The following TRPM3 variants were observed in gnomAD, a reference collection of about 807,000 sequenced individuals.
TRPM3 encodes transient receptor potential cation channel subfamily M member 3, also known as long transient receptor potential channel 3.
A neutral mutation model predicts 181.2 loss-of-function variants in TRPM3; 77 were observed. The observed-to-expected ratio is 0.42, with a 90% CI of 0.35 to 0.51. TRPM3 has a LOEUF of 0.51. Among genes scored for constraint, TRPM3 ranks in the 20% least tolerant of loss-of-function variants. TRPM3 has a pLI of 0.01. For synonymous variants in TRPM3, 745 were observed against 796.4 expected, an observed-to-expected ratio of 0.94 and a Z score of 1.09; for missense variants, 1,759 against 2,196.7, an observed-to-expected ratio of 0.80 and a Z score of 3.98.
intron 1 of TRPM3, among the ~76,000 whole-genome samples, chr9:71,297,165 T>C (rs923152220): frequency 6.6e-6 from 1 of 152,036 alleles, no homozygotes. Flanking sequence ...TTAATTATTT[T>C]GTATTTTTAG....
At chr9:70,921,974 C>CACACACACACACACACAT (rs1168237101) in intron 1 of TRPM3, among the ~76,000 whole-genome samples, 3 of 150,548 alleles carry the variant, frequency 2.0e-5, no homozygotes, top group African/African-American at 7.3e-5. Flanking sequence ...CACACACACA[C>CACACACACACACACACAT]ATATAGTTAT....
intron 8 of TRPM3, among the ~76,000 whole-genome samples, chr9:70,697,920 GT>G (rs1484101610): frequency 6.6e-6 from 1 of 152,120 alleles, no homozygotes; most frequent in Non-Finnish European, 1.5e-5. Flanking sequence ...CCATTAAGAA[GT>G]TTCCTTGTGG....
chr9:71,348,372 T>C (rs1161761118), intron 1 of TRPM3, among the ~76,000 whole-genome samples: 2 of 151,804 alleles, frequency 1.3e-5, no homozygotes, highest in Non-Finnish European at 1.5e-5. Context: ...TCCTGTATAG[T>C]TGTTGCTGTG....
chr9:70,568,814 C>T (rs1165028618), intron 22 of TRPM3, among the ~76,000 whole-genome samples: 3 of 152,188 alleles, frequency 2.0e-5, no homozygotes, highest in Non-Finnish European at 4.4e-5. Flanking sequence ...TTAGACTTTC[C>T]TTGTGTTCCA....
chr9:70,684,188 T>C (rs544929365), intron 8 of TRPM3, among the ~76,000 whole-genome samples: 9 of 152,200 alleles, frequency 5.9e-5, no homozygotes, highest in Non-Finnish European at 1.2e-4. Flanking sequence ...CAGGTTTTCC[T>C]AGCAACACAT....
intron 11 of TRPM3, 83 bp from the exon 12 acceptor site, chr9:70,635,344 TG>T: frequency 8.2e-7 from 1 of 1,218,442 alleles, no homozygotes; most frequent in East Asian, 2.3e-5. Context: ...GAAGGAAGGG[TG>T]CTGGCTGGTG....
chr9:71,360,865 G>GA (rs1024718861), intron 1 of TRPM3, among the ~76,000 whole-genome samples: 20 of 151,734 alleles, frequency 1.3e-4, no homozygotes, highest in African/African-American at 4.4e-4. Flanking sequence ...AAATGATCCA[G>GA]AAAAAAAAGA....
Position 70,549,693 on chromosome 9 carries a change from AGG to A in TRPM3, c.3575-21_3575-20del, listed in dbSNP as rs375045989. On this transcript the variant is annotated intron_variant, in intron 24 of 25. Coordinates refer to ENST00000677713, the MANE Select transcript of TRPM3 (RefSeq NM_001366145.2). ...AAGAGTTCTGTGGAAAAAAAAAAAA[AGG>A]AAGTCTTGAGGGAGAGAAGTAAAAG... 6 of 1,580,066 alleles carry A rather than the reference AGG, an allele frequency of 3.8e-6. No individual in the cohort carries two copies. Among genetic ancestry groups the A allele is most frequent in the African/African-American group, 2.7e-5 (2 of 72,920 alleles).
chr9:71,127,180 G>T (rs1049310455), intron 1 of TRPM3, among the ~76,000 whole-genome samples: 1 of 151,800 alleles, frequency 6.6e-6, no homozygotes, highest in African/African-American at 2.4e-5. Flanking sequence ...TCTCATAAAG[G>T]TCCTTTAGGA....
chr9:70,942,183 C>G (rs2096892205), intron 1 of TRPM3, among the ~76,000 whole-genome samples: 1 of 152,188 alleles, frequency 6.6e-6, no homozygotes, highest in Non-Finnish European at 1.5e-5. Flanking sequence ...AGACAATCTT[C>G]CTTCCTAAAA....
At chr9:71,128,465 G>A (rs2074184208) in intron 1 of TRPM3, among the ~76,000 whole-genome samples, 1 of 152,178 alleles carries the variant, frequency 6.6e-6, no homozygotes, top group Middle Eastern at 3.4e-3. Context: ...GTTCCCGGAG[G>A]CTTGTTAAAA....
In TRPM3 at chr9:70,962,330, T is replaced by C. The variant is rs114530897; in HGVS notation, c.178-97819A>G. Among the ~76,000 whole-genome samples, 640 of 152,086 alleles carry C rather than the reference T, an allele frequency of 4.2e-3. 4 individuals carry two copies. Among genetic ancestry groups the C allele is most frequent in the African/African-American group, 0.015 (615 of 41,500 alleles). On this transcript the variant is annotated intron_variant, in intron 1 of 25. Transcript: ENST00000677713. Reference sequence around the variant, plus strand: ...GATGATAATCTTCCCTAAAGGATCATAGTAAAATATTATAGGATCTGCCTG... The same window carrying C: ...GATGATAATCTTCCCTAAAGGATCACAGTAAAATATTATAGGATCTGCCTG...
intron 6 of TRPM3, among the ~76,000 whole-genome samples, chr9:70,805,571 T>A (rs2090502874): frequency 6.7e-6 from 1 of 149,296 alleles, no homozygotes; most frequent in African/African-American, 2.5e-5. Context: ...AAGATTGACT[T>A]TACCACAAAC....
At position 71,096,939 on chromosome 9, in the gene TRPM3, T is replaced by G. The variant is rs571556911; in HGVS notation, c.177+24239A>C. The stretch of plus-strand genomic sequence containing the variant: ...CTATCTGATCATCCCATGGCAGTCA[T>G]TTCATTGATCACATGTATCACCCTG... On this transcript the variant is annotated intron_variant, in intron 1 of 25. Coordinates refer to ENST00000677713, the MANE Select transcript of TRPM3 (RefSeq NM_001366145.2). Among the ~76,000 whole-genome samples, 313 of 152,220 alleles carry G rather than the reference T, an allele frequency of 2.1e-3. 2 individuals are homozygous for G. Among genetic ancestry groups the G allele is most frequent in the Non-Finnish European group, 3.6e-3 (248 of 68,002 alleles).
At chr9:70,938,315 G>A (rs1399952894) in intron 1 of TRPM3, among the ~76,000 whole-genome samples, 1 of 152,086 alleles carries the variant, frequency 6.6e-6, no homozygotes, top group East Asian at 1.9e-4. Context: ...TCCTGAGCCT[G>A]CTCTCTTTAA....
intron 1 of TRPM3, among the ~76,000 whole-genome samples, chr9:71,261,674 C>T (rs981545412): frequency 6.6e-6 from 1 of 152,160 alleles, no homozygotes; most frequent in African/African-American, 2.4e-5. Flanking sequence ...TAGTGACTTT[C>T]GAATGGAGTT....
At chr9:70,742,755 G>A (rs1043631973) in intron 8 of TRPM3, among the ~76,000 whole-genome samples, 1 of 152,112 alleles carries the variant, frequency 6.6e-6, no homozygotes, top group African/African-American at 2.4e-5. Flanking sequence ...CAGTTGTCCT[G>A]CCTACCATGA....
intron 1 of TRPM3, among the ~76,000 whole-genome samples, chr9:70,881,327 C>G (rs958390818): frequency 6.6e-6 from 1 of 152,038 alleles, no homozygotes; most frequent in Non-Finnish European, 1.5e-5. Flanking sequence ...ACCTAAATGT[C>G]AATTTTCTTC....
intron 3 of TRPM3, among the ~76,000 whole-genome samples, chr9:70,854,662 T>C (rs530001486): frequency 6.6e-6 from 1 of 152,312 alleles, no homozygotes; most frequent in East Asian, 1.9e-4. Flanking sequence ...TGGCCTTTAG[T>C]TCCCCAATTT....
Sources: gnomAD v4.1 joint callset for allele counts (sites outside exome capture counted in the v4.1 genomes callset) on GRCh38, gnomAD v4.1.1 for gene constraint, MANE v1.5 for transcripts, NCBI Gene and HGNC (gene_info 2026-07-23, HGNC 2026-07-21) for gene names.